Variants in SYN2 observed in about 807,000 individuals in gnomAD.
SYN2 encodes the protein synapsin-2.
A neutral mutation model predicts 50.9 loss-of-function variants in SYN2; 19 were observed. That is an observed-to-expected ratio of 0.37 (90% CI 0.26 to 0.55). The LOEUF is 0.55. Ranked by LOEUF, SYN2 falls within the 20% of genes least tolerant of loss-of-function variation. The probability of loss-of-function intolerance (pLI) is 0.81; values close to 1 mark genes in which losing one functional copy is unlikely to be tolerated. For missense variants in SYN2, 587 were observed against 576.4 expected (o/e 1.02, Z -0.19); for synonymous variants, 255 against 224.9 (o/e 1.13, Z -1.20).
Position 12,187,499 on chromosome 3 carries a change from G to T in SYN2, c.1500G>T (p.Arg500=). 1 of 1,553,322 alleles carries T rather than the reference G, an allele frequency of 6.4e-7. No individual in the cohort carries two copies. The highest frequency in any genetic ancestry group is 2.0e-5 in the Admixed American group (1 of 51,118). ...SSSSSSSAPQ[R]PGGPTTHGDA... is the part of the protein sequence containing the mutation. ...CTTCCTCCTCCTCGGCTCCTCAGCG[G>T]CCGGGCGGCCCCACCACCCACGGAG... Residue 500 remains arginine, a synonymous_variant, in exon 12 of 13, where the codon CGG becomes CGT. Transcript: ENST00000621198.
chr3:12,164,775 T>C (rs1697739937), intron 7 of SYN2, among the ~76,000 whole-genome samples: 1 of 152,102 alleles, frequency 6.6e-6, no homozygotes, highest in Non-Finnish European at 1.5e-5. Context: ...GTGTGAAGTG[T>C]TGGGGAGCTT....
At chr3:12,161,645 C>T (rs1697652506) in intron 6 of SYN2, 37 bp downstream of exon 6, 1 of 1,611,400 alleles carries the variant, frequency 6.2e-7, no homozygotes, top group Non-Finnish European at 8.5e-7. Context: ...CAGGGTTGAA[C>T]CAAGAAGGGC....
intron 7 of SYN2, among the ~76,000 whole-genome samples, chr3:12,163,241 C>A (rs368507612): frequency 4.5e-3 from 555 of 122,384 alleles, no homozygotes; most frequent in Non-Finnish European, 5.5e-3. Flanking sequence ...GACTCTGTCT[C>A]AAAAAAAAAA....
intron 1 of SYN2, among the ~76,000 whole-genome samples, chr3:12,134,080 G>A (rs2125211458): frequency 6.6e-6 from 1 of 151,572 alleles, no homozygotes; most frequent in African/African-American, 2.4e-5. Flanking sequence ...CGTAAAAGTG[G>A]TTAAAATGGA....
At chr3:12,111,634 A>G (rs866427160) in intron 1 of SYN2, among the ~76,000 whole-genome samples, 7 of 152,170 alleles carry the variant, frequency 4.6e-5, no homozygotes, top group East Asian at 1.9e-4. Context: ...ACCTTCCTCT[A>G]TATCTTAAGT....
chr3:12,142,190 C>A lies in SYN2; in HGVS notation c.527+194C>A, dbSNP rs530639185. On this transcript the variant is annotated intron_variant, in intron 3 of 12. Transcript: ENST00000621198. Reference sequence around the variant, plus strand: ...AGCCAGCTTCTCGCTGAGCTTAGTCCAGTGGTAGAGAAAACAACCTGAAGC... The same window carrying A: ...AGCCAGCTTCTCGCTGAGCTTAGTCAAGTGGTAGAGAAAACAACCTGAAGC... Among the ~76,000 whole-genome samples the A allele has an allele frequency of 6.6e-5, 10 of 152,256 alleles. No homozygotes were observed. The East Asian group carries it at 1.9e-3, about 29-fold the overall frequency.
At chr3:12,052,759 C>T (rs994485188) in intron 1 of SYN2, among the ~76,000 whole-genome samples, 9 of 152,076 alleles carry the variant, frequency 5.9e-5, no homozygotes, top group Non-Finnish European at 1.0e-4. Flanking sequence ...CCTTTCTTTC[C>T]AGAAAGAGAA....
intron 1 of SYN2, among the ~76,000 whole-genome samples, chr3:12,099,430 A>G (rs1281310196): frequency 6.6e-6 from 1 of 152,210 alleles, no homozygotes; most frequent in African/African-American, 2.4e-5. Context: ...TCACAAATAT[A>G]TGGAAATTAA....
chr3:12,128,384 CCTTT>C (rs1326574461), intron 1 of SYN2, among the ~76,000 whole-genome samples: 3 of 152,234 alleles, frequency 2.0e-5, no homozygotes, highest in Non-Finnish European at 2.9e-5. Context: ...AGGAGAGTTA[CCTTT>C]CTTGCTCTAA....
Position 12,177,223 on chromosome 3 carries a change from C to T in SYN2, c.1309-6089C>T, listed in dbSNP as rs1309881574. ...AGCTAGGTTTTTCCAGCCACAAAGG[C>T]TCTGAAACAAGCTTGTCTAACCTGC... is the stretch of plus-strand genomic sequence containing the variant. On this transcript the variant is annotated intron_variant, in intron 10 of 12. Coordinates refer to ENST00000621198, the MANE Select transcript of SYN2 (RefSeq NM_133625.6). 2.6e-5 allele frequency among the ~76,000 whole-genome samples: 4 copies of T among 152,180 alleles called. No homozygotes were observed. In the South Asian group the frequency reaches 6.2e-4, roughly 24 times the overall value.
chr3:12,092,045 TC>T (rs756272909), intron 1 of SYN2, among the ~76,000 whole-genome samples: 7 of 152,146 alleles, frequency 4.6e-5, no homozygotes, highest in Non-Finnish European at 8.8e-5. Context: ...TACAGATCAA[TC>T]CATTCTTCTT....
rs569692353 is a variant in SYN2 at position 12,190,657 on chromosome 3, C to T, written c.*32C>T. 3.2e-5 allele frequency: 51 copies of T among 1,604,466 alleles called. No homozygotes were observed. In the South Asian group the frequency reaches 3.5e-4, roughly 11 times the overall value. ...AGACACACGGGGCACCCAGCCCAACCGGGAAAGGCATCTAAGACATTCACC... is the reference window on the plus strand; with the variant it reads ...AGACACACGGGGCACCCAGCCCAACTGGGAAAGGCATCTAAGACATTCACC... On this transcript the variant is annotated 3_prime_UTR_variant, in exon 13 of 13. Coordinates refer to ENST00000621198, the MANE Select transcript of SYN2 (RefSeq NM_133625.6).
At chr3:12,159,064 C>T in intron 5 of SYN2, 1 of 568,306 alleles carries the variant, frequency 1.8e-6, no homozygotes, top group Non-Finnish European at 2.9e-6. Context: ...CAGAGGGAAG[C>T]CTGGAAGGAG....
intron 12 of SYN2, among the ~76,000 whole-genome samples, chr3:12,190,094 T>C (rs1223481907): frequency 6.6e-6 from 1 of 152,184 alleles, no homozygotes; most frequent in Non-Finnish European, 1.5e-5. Flanking sequence ...CACAGGCCCA[T>C]TGTGACTTCT....
At chr3:12,156,900 T>G in intron 5 of SYN2, 1 of 1,614,166 alleles carries the variant, frequency 6.2e-7, no homozygotes, top group Non-Finnish European at 8.5e-7. Flanking sequence ...ATAGATATAC[T>G]GAACATCCTT....
chr3:12,077,134 C>T (rs919066858), intron 1 of SYN2, among the ~76,000 whole-genome samples: 7 of 152,006 alleles, frequency 4.6e-5, no homozygotes, highest in Non-Finnish European at 8.8e-5. Flanking sequence ...CTAGTCTCCA[C>T]ACCTAGTTAA....
intron 1 of SYN2, among the ~76,000 whole-genome samples, chr3:12,008,858 T>A (rs975943420): frequency 1.3e-5 from 2 of 152,158 alleles, no homozygotes; most frequent in African/African-American, 4.8e-5. Context: ...AGACAGTGGA[T>A]AGCATAAGGA....
intron 1 of SYN2, among the ~76,000 whole-genome samples, chr3:12,049,100 G>C (rs118084426): frequency 5.1e-4 from 78 of 152,090 alleles, no homozygotes; most frequent in South Asian, 2.5e-3. Context: ...CATGCTTATC[G>C]AACACTTAGG....
intron 1 of SYN2, among the ~76,000 whole-genome samples, chr3:12,011,580 T>A (rs1693912821): frequency 6.6e-6 from 1 of 152,228 alleles, no homozygotes. Flanking sequence ...TGTAAGATTG[T>A]AAAATAGATT....
Sources: gnomAD v4.1 joint callset for allele counts (sites outside exome capture counted in the v4.1 genomes callset) on GRCh38, gnomAD v4.1.1 for gene constraint, MANE v1.5 for transcripts, NCBI Gene and HGNC (gene_info 2026-07-23, HGNC 2026-07-21) for gene names.